Variants in CDH13 observed in about 807,000 individuals in gnomAD.
CDH13 encodes the protein cadherin-13.
Under a neutral mutation model 63.8 loss-of-function variants are expected in CDH13, and 24 were observed. The observed-to-expected ratio is 0.38, with a 90% CI of 0.27 to 0.53. The LOEUF (loss-of-function observed/expected upper bound fraction) is 0.53. CDH13 is among the 20% of genes least tolerant of loss of function. The pLI is 0.85. For missense variants in CDH13, 1,049 were observed against 903.1 expected (o/e 1.16, Z -2.07); for synonymous variants, 503 against 355.3 (o/e 1.42, Z -4.67).
chr16:82,901,804 C>G (rs747285101), intron 2 of CDH13, among the ~76,000 whole-genome samples: 7 of 152,180 alleles, frequency 4.6e-5, no homozygotes, highest in African/African-American at 9.7e-5. Flanking sequence ...AGACAAAGGT[C>G]TTGCCCTCAT....
chr16:83,495,760 G>C (rs1272729845), intron 7 of CDH13, among the ~76,000 whole-genome samples: 1 of 152,116 alleles, frequency 6.6e-6, no homozygotes, highest in African/African-American at 2.4e-5. Context: ...AGACTTTTTG[G>C]CTTGTAGAGC....
chr16:83,568,520 A>G (rs975272958), intron 7 of CDH13, among the ~76,000 whole-genome samples: 1 of 152,188 alleles, frequency 6.6e-6, no homozygotes, highest in Non-Finnish European at 1.5e-5. Flanking sequence ...CACGTAGTTC[A>G]ATGTGCTTTG....
intron 4 of CDH13, among the ~76,000 whole-genome samples, chr16:83,164,720 C>CAAAAAAAAAAA (rs771135269): frequency 1.4e-5 from 2 of 138,828 alleles, no homozygotes; most frequent in East Asian, 4.1e-4. Flanking sequence ...GACTCTGTCT[C>CAAAAAAAAAAA]AAAAAAAGAA....
chr16:83,307,757 T>A (rs548626788), intron 5 of CDH13, among the ~76,000 whole-genome samples: 1 of 152,248 alleles, frequency 6.6e-6, no homozygotes, highest in East Asian at 1.9e-4. Flanking sequence ...GAAGAAGAAA[T>A]TTTTTCCCCG....
intron 1 of CDH13, among the ~76,000 whole-genome samples, chr16:82,675,848 A>G (rs542118166): frequency 6.6e-6 from 1 of 152,318 alleles, no homozygotes; most frequent in African/African-American, 2.4e-5. Context: ...TCAGAAGCCA[A>G]AAGAAATGGG....
chr16:83,646,712 A>AAAAAAAAACACACACAC (rs1168012793), intron 8 of CDH13, among the ~76,000 whole-genome samples: 3 of 80,488 alleles, frequency 3.7e-5, no homozygotes, highest in Non-Finnish European at 7.3e-5. Context: ...AAAAAAAAAA[A>AAAAAAAAACACACACAC]ACACACACAC....
At chr16:82,647,583 C>G (rs1321143422) in intron 1 of CDH13, among the ~76,000 whole-genome samples, 1 of 152,040 alleles carries the variant, frequency 6.6e-6, no homozygotes, top group African/African-American at 2.4e-5. Flanking sequence ...CCAAGCCATC[C>G]CACCTGAGGG....
intron 6 of CDH13, among the ~76,000 whole-genome samples, chr16:83,347,916 G>A (rs1480919622): frequency 3.9e-5 from 6 of 152,208 alleles, no homozygotes; most frequent in East Asian, 1.9e-4. Flanking sequence ...AACCAGCTGG[G>A]TGGAGTGGCT....
At chr16:83,144,830 G>C (rs1361193464) in intron 4 of CDH13, among the ~76,000 whole-genome samples, 1 of 152,202 alleles carries the variant, frequency 6.6e-6, no homozygotes, top group Non-Finnish European at 1.5e-5. Flanking sequence ...CTCCTCTTTT[G>C]CAAAAGCGTT....
At chr16:83,649,950 G>A (rs919796352) in intron 8 of CDH13, among the ~76,000 whole-genome samples, 4 of 152,172 alleles carry the variant, frequency 2.6e-5, no homozygotes, top group African/African-American at 7.2e-5. Context: ...TGGATGACAT[G>A]CCATTTTTTC....
chr16:83,277,487 C>G (rs888963981), intron 5 of CDH13, among the ~76,000 whole-genome samples: 3 of 152,142 alleles, frequency 2.0e-5, no homozygotes, highest in Non-Finnish European at 2.9e-5. Flanking sequence ...TTTAAAAGGG[C>G]AAAGATTTCT....
chr16:82,779,322 A>C (rs938440817), intron 1 of CDH13, among the ~76,000 whole-genome samples: 2 of 152,302 alleles, frequency 1.3e-5, no homozygotes, highest in Admixed American at 6.5e-5. Context: ...GGTCTCTACC[A>C]GTGCACTTTG....
chr16:83,311,512 T>G (rs1403479801), intron 5 of CDH13, among the ~76,000 whole-genome samples: 1 of 152,186 alleles, frequency 6.6e-6, no homozygotes, highest in African/African-American at 2.4e-5. Flanking sequence ...CATGTGGATT[T>G]TGTATATACA....
chr16:83,565,403 G>A (rs571498615), intron 7 of CDH13, among the ~76,000 whole-genome samples: 28 of 41,538 alleles, frequency 6.7e-4, no homozygotes, highest in African/African-American at 2.4e-3. Context: ...TTTTTTCTTA[G>A]TTGCAGAGTT....
At chr16:83,324,915 G>T (rs2090325218) in intron 5 of CDH13, among the ~76,000 whole-genome samples, 1 of 152,070 alleles carries the variant, frequency 6.6e-6, no homozygotes, top group Non-Finnish European at 1.5e-5. Context: ...CATCTGATTT[G>T]GCCCCACTCA....
chr16:82,961,114 C>G (rs571729419), intron 2 of CDH13, among the ~76,000 whole-genome samples: 1 of 152,348 alleles, frequency 6.6e-6, no homozygotes, highest in East Asian at 1.9e-4. Flanking sequence ...ACCCCCTGAG[C>G]TGGCGCCAGC....
chr16:83,210,968 T>C (rs1173246265), intron 4 of CDH13, among the ~76,000 whole-genome samples: 1 of 151,504 alleles, frequency 6.6e-6, no homozygotes, highest in African/African-American at 2.4e-5. Flanking sequence ...GCTAACACAG[T>C]GAAACCCTGT....
At chr16:83,346,923 C>G (rs529236412) in intron 6 of CDH13, among the ~76,000 whole-genome samples, 10 of 152,212 alleles carry the variant, frequency 6.6e-5, no homozygotes, top group African/African-American at 2.2e-4. Flanking sequence ...TTGGTATTAT[C>G]CTATAAAAAT....
intron 8 of CDH13, among the ~76,000 whole-genome samples, chr16:83,631,313 C>T (rs1022300149): frequency 1.3e-5 from 2 of 152,028 alleles, no homozygotes; most frequent in South Asian, 2.1e-4. Context: ...TCCATAAATG[C>T]TTCTTGGGTT....
Sources: allele counts gnomAD v4.1 joint callset (sites outside exome capture counted in the v4.1 genomes callset), GRCh38; gene constraint gnomAD v4.1.1; transcripts MANE v1.5; gene names NCBI Gene and HGNC (gene_info 2026-07-23, HGNC 2026-07-21).